Variants in MAP3K7 observed in about 807,000 individuals in gnomAD.
MAP3K7 encodes TGF-beta activated kinase 1.
In MAP3K7, 21 loss-of-function variants were observed where a neutral mutation model predicts 84.8. That is an observed-to-expected ratio of 0.25 (90% CI 0.18 to 0.36). MAP3K7 has a LOEUF of 0.36. Ranked by LOEUF, MAP3K7 falls within the 10% of genes least tolerant of loss-of-function variation. The pLI, the probability that MAP3K7 is intolerant of heterozygous loss-of-function variation, is 1.00. For missense variants in MAP3K7, 503 were observed against 747.7 expected (o/e 0.67, Z 3.82); for synonymous variants, 241 against 247.7 (o/e 0.97, Z 0.25).
intron 13 of MAP3K7, among the ~76,000 whole-genome samples, chr6:90,532,129 A>G (rs138715141): frequency 8.5e-5 from 13 of 152,310 alleles, no homozygotes; most frequent in African/African-American, 2.9e-4. Flanking sequence ...AATAAATCAC[A>G]TCCCTTAAAT....
In MAP3K7 at chr6:90,548,180, AG is replaced by A; in HGVS notation, c.950-4del. On this transcript the variant is annotated splice_polypyrimidine_tract_variant and splice_region_variant and intron_variant, in intron 9 of 16. Transcript: ENST00000369329. ...AGAAGCAATGTCCATGAATGAGCCTAGGAAAAGCAGAAACATTTATGACTAA... is the reference window on the plus strand; with the variant it reads ...AGAAGCAATGTCCATGAATGAGCCTAGAAAAGCAGAAACATTTATGACTAA... The A allele has an allele frequency of 1.2e-6, 2 of 1,603,580 alleles. No homozygotes were observed. Among genetic ancestry groups the A allele is most frequent in the Non-Finnish European group, 1.7e-6 (2 of 1,175,832 alleles).
intron 11 of MAP3K7, 89 bp from the exon 12 acceptor site, chr6:90,544,721 A>C: frequency 9.6e-7 from 1 of 1,040,450 alleles, no homozygotes; most frequent in Middle Eastern, 2.1e-4. Flanking sequence ...ACTCATTTTC[A>C]AATAGTTCAT....
intron 12 of MAP3K7, among the ~76,000 whole-genome samples, chr6:90,538,098 C>CT (rs1775736900): frequency 6.6e-6 from 1 of 151,862 alleles, no homozygotes; most frequent in Non-Finnish European, 1.5e-5. Flanking sequence ...AATGAGAAAT[C>CT]TTTAAGCTAC....
At chr6:90,578,849 G>A (rs1419307283) in intron 1 of MAP3K7, among the ~76,000 whole-genome samples, 1 of 152,116 alleles carries the variant, frequency 6.6e-6, no homozygotes, top group African/African-American at 2.4e-5. Context: ...TTAAAGAAAT[G>A]CAATTTTATT....
At chr6:90,549,139 G>C (rs562579967) in intron 9 of MAP3K7, among the ~76,000 whole-genome samples, 11 of 152,232 alleles carry the variant, frequency 7.2e-5, no homozygotes, top group African/African-American at 2.6e-4. Flanking sequence ...AGGCAGAAAG[G>C]TACACCTTTG....
At chr6:90,524,293 G>A (rs1775250409) in intron 13 of MAP3K7, among the ~76,000 whole-genome samples, 1 of 152,116 alleles carries the variant, frequency 6.6e-6, no homozygotes, top group Non-Finnish European at 1.5e-5. Context: ...TCTCTCTTGG[G>A]TTAGTGGCTC....
At chr6:90,584,806 A>G (rs1176752190) in intron 1 of MAP3K7, among the ~76,000 whole-genome samples, 1 of 152,182 alleles carries the variant, frequency 6.6e-6, no homozygotes, top group Non-Finnish European at 1.5e-5. Context: ...CACAGAGCAG[A>G]CGTAAACGCT....
At chr6:90,534,831 G>A (rs2127963835) in intron 13 of MAP3K7, among the ~76,000 whole-genome samples, 1 of 152,240 alleles carries the variant, frequency 6.6e-6, no homozygotes, top group Admixed American at 6.5e-5. Context: ...CTCATAACTG[G>A]AATATCAGTG....
At chr6:90,555,476 C>A (rs549356263) in intron 6 of MAP3K7, among the ~76,000 whole-genome samples, 1 of 152,100 alleles carries the variant, frequency 6.6e-6, no homozygotes, top group East Asian at 1.9e-4. Flanking sequence ...AGGATGGTCT[C>A]GATCTCCTGA....
intron 5 of MAP3K7, among the ~76,000 whole-genome samples, chr6:90,557,682 T>C (rs928977937): frequency 4.6e-5 from 7 of 152,210 alleles, no homozygotes; most frequent in African/African-American, 7.2e-5. Flanking sequence ...ATTCAAGATA[T>C]CAAGATAATT....
intron 9 of MAP3K7, among the ~76,000 whole-genome samples, chr6:90,548,806 G>T (rs1282370326): frequency 1.3e-5 from 2 of 150,544 alleles, no homozygotes. Context: ...TGGTATCTCG[G>T]AGGCCAACTG....
At chr6:90,522,895 C>T (rs1006886644) in intron 14 of MAP3K7, among the ~76,000 whole-genome samples, 1 of 152,020 alleles carries the variant, frequency 6.6e-6, no homozygotes, top group Non-Finnish European at 1.5e-5. Context: ...CTTTAATTTT[C>T]CAAGGGCTAA....
At chr6:90,560,858 C>T (rs1467102166) in intron 4 of MAP3K7, among the ~76,000 whole-genome samples, 2 of 151,908 alleles carry the variant, frequency 1.3e-5, no homozygotes, top group Non-Finnish European at 2.9e-5. Flanking sequence ...TCTTATGGCA[C>T]ACTACTACAA....
chr6:90,576,447 A>T (rs1309724608), intron 1 of MAP3K7, among the ~76,000 whole-genome samples: 4 of 151,282 alleles, frequency 2.6e-5, no homozygotes, highest in African/African-American at 9.7e-5. Flanking sequence ...ACACACACAC[A>T]CACACACACA....
At chr6:90,567,000 GGCTA>G (rs1356828217) in intron 3 of MAP3K7, among the ~76,000 whole-genome samples, 7 of 152,142 alleles carry the variant, frequency 4.6e-5, no homozygotes, top group Non-Finnish European at 8.8e-5. Flanking sequence ...TGGGAAAACT[GGCTA>G]GCCTTATGTA....
intron 12 of MAP3K7, among the ~76,000 whole-genome samples, chr6:90,540,278 T>C (rs1299741222): frequency 1.3e-5 from 2 of 151,842 alleles, no homozygotes; most frequent in Non-Finnish European, 2.9e-5. Flanking sequence ...GGCTTAGAAA[T>C]AACAAAAGGT....
At chr6:90,538,960 T>C (rs1775764663) in intron 12 of MAP3K7, among the ~76,000 whole-genome samples, 1 of 151,930 alleles carries the variant, frequency 6.6e-6, no homozygotes, top group Admixed American at 6.6e-5. Flanking sequence ...AGACTTCTCT[T>C]AACCTAAATG....
chr6:90,584,306 TGAA>T (rs1325676225), intron 1 of MAP3K7, among the ~76,000 whole-genome samples: 3 of 152,110 alleles, frequency 2.0e-5, no homozygotes, highest in Non-Finnish European at 2.9e-5. Flanking sequence ...TGTATGCAAA[TGAA>T]GAAGATGATG....
At chr6:90,561,745 T>A in intron 3 of MAP3K7, 78 bp from the exon 4 acceptor site, 1 of 960,882 alleles carries the variant, frequency 1.0e-6, no homozygotes, top group East Asian at 2.4e-5. Context: ...TTTAATTCAC[T>A]CCCCTGATTT....
Sources: gnomAD v4.1 joint callset for allele counts (sites outside exome capture counted in the v4.1 genomes callset) on GRCh38, gnomAD v4.1.1 for gene constraint, MANE v1.5 for transcripts, NCBI Gene and HGNC (gene_info 2026-07-23, HGNC 2026-07-21) for gene names.